The following ARMC8 variants were observed in gnomAD, a reference collection of about 807,000 sequenced individuals.
The protein encoded by ARMC8 is armadillo repeat containing 8.
A neutral mutation model predicts 99.3 loss-of-function variants in ARMC8; 20 were observed. That is an observed-to-expected ratio of 0.20 (90% CI 0.14 to 0.29). The LOEUF is 0.29. Ranked by LOEUF, ARMC8 falls within the 10% of genes least tolerant of loss-of-function variation. The pLI, the probability that ARMC8 is intolerant of heterozygous loss-of-function variation, is 1.00. For synonymous variants in ARMC8, 263 were observed against 278.3 expected (o/e 0.95, Z 0.55); for missense variants, 569 against 809.5 (o/e 0.70, Z 3.60).
At chr3:138,239,284 A>T in intron 9 of ARMC8, 184 bp from the exon 10 acceptor site, 1 of 516,652 alleles carries the variant, frequency 1.9e-6, no homozygotes, top group Non-Finnish European at 3.4e-6. Flanking sequence ...TGTATTTGTC[A>T]GTTAGTTTTC....
chr3:138,255,165 A>T (rs958169787), intron 12 of ARMC8, among the ~76,000 whole-genome samples: 2 of 143,468 alleles, frequency 1.4e-5, no homozygotes, highest in Non-Finnish European at 3.1e-5. Flanking sequence ...CTCCCACCCC[A>T]TGCCTCCCAA....
intron 12 of ARMC8, chr3:138,261,890 G>A (rs1282744437): frequency 6.6e-6 from 1 of 152,232 alleles, no homozygotes; most frequent in Non-Finnish European, 1.5e-5. Flanking sequence ...AGGTCCCTAC[G>A]AAGATGAGGT....
chr3:138,246,458 G>T, intron 12 of ARMC8: 1 of 985,342 alleles, frequency 1.0e-6, no homozygotes, highest in Non-Finnish European at 1.2e-6. Flanking sequence ...GTACGTTGGT[G>T]TATTGCAAGG....
intron 3 of ARMC8, 124 bp from the exon 4 acceptor site, chr3:138,223,265 C>T (rs1005032602): frequency 1.3e-5 from 10 of 774,410 alleles, no homozygotes; most frequent in Non-Finnish European, 2.0e-5. Flanking sequence ...AACAAATGAC[C>T]ATTGGATTCA....
chr3:138,225,567 T>A lies in ARMC8; in HGVS notation c.435+1834T>A, dbSNP rs1232318325. Among the ~76,000 whole-genome samples, 2 of 152,130 alleles carry A rather than the reference T, an allele frequency of 1.3e-5. 1 individual carries two copies. The highest frequency in any genetic ancestry group is 4.8e-5 in the African/African-American group (2 of 41,434). On this transcript the variant is annotated intron_variant, in intron 5 of 21. Coordinates refer to ENST00000469044, the MANE Select transcript of ARMC8 (RefSeq NM_001363941.2). ...TCCATTGCCTCACTATACATGTCAG[T>A]TTGTGTATGTGTGTGTATATATGTG...
At chr3:138,237,422 T>C (rs772804188) in intron 8 of ARMC8, 38 bp downstream of exon 8, 36 of 1,611,332 alleles carry the variant, frequency 2.2e-5, no homozygotes, top group East Asian at 6.7e-5. Context: ...CATGATTTAA[T>C]TGATGAACTT....
Position 138,296,485 on chromosome 3 carries a change from T to A in ARMC8, c.*593T>A, listed in dbSNP as rs1386559278. ...GTTGAATTTTGGTCAGATGAATATT[T>A]GTAAGTAAAAAATATATGCATTTCT... On this transcript the variant is annotated 3_prime_UTR_variant, in exon 22 of 22. Transcript: ENST00000469044. 1 of 152,092 alleles carries A rather than the reference T, an allele frequency of 6.6e-6. No homozygotes were observed. The highest frequency in any genetic ancestry group is 2.4e-5 in the African/African-American group (1 of 41,408). 9.4% of individuals were successfully genotyped at this position (152,092 alleles called of 1,614,324 possible).
chr3:138,266,721 G>T (rs1326444627), intron 14 of ARMC8, among the ~76,000 whole-genome samples: 1 of 152,158 alleles, frequency 6.6e-6, no homozygotes, highest in African/African-American at 2.4e-5. Context: ...TAGCCTGCTT[G>T]ATTCGTCAGT....
chr3:138,260,540 G>A (rs1362891986), intron 12 of ARMC8, among the ~76,000 whole-genome samples: 2 of 152,072 alleles, frequency 1.3e-5, no homozygotes, highest in East Asian at 3.8e-4. Flanking sequence ...TTGGGAAGAG[G>A]CTACCGTCTG....
At chr3:138,195,093 G>A (rs754057864) in intron 1 of ARMC8, among the ~76,000 whole-genome samples, 22 of 151,900 alleles carry the variant, frequency 1.4e-4, no homozygotes, top group Non-Finnish European at 4.4e-5. Context: ...TGACCAACAT[G>A]GTGAAACCCC....
intron 18 of ARMC8, among the ~76,000 whole-genome samples, chr3:138,284,199 G>C (rs1244049919): frequency 6.6e-6 from 1 of 152,194 alleles, no homozygotes; most frequent in Non-Finnish European, 1.5e-5. Context: ...GCTTCCCATA[G>C]CTCAGGAAGA....
At chr3:138,200,904 C>CT (rs34087212) in intron 1 of ARMC8, among the ~76,000 whole-genome samples, 3,053 of 63,474 alleles carry the variant, frequency 0.048, 837 homozygotes, top group Non-Finnish European at 0.061. Flanking sequence ...CTTCAGTGGG[C>CT]TTTTTTTTTT....
rs201726217 is a variant in ARMC8, at chr3:138,227,136, G to GT, written c.436-1779dup. Reference sequence around the variant, plus strand: ...AGCAGGATTTCTAGTTTGAAATTGTGTTTATCAGATGGGTGATTTTGGGCA... The same window carrying GT: ...AGCAGGATTTCTAGTTTGAAATTGTGTTTTATCAGATGGGTGATTTTGGGCA... On this transcript the variant is annotated intron_variant, in intron 5 of 21. Transcript: ENST00000469044. 4.0e-3 allele frequency among the ~76,000 whole-genome samples: 602 copies of GT among 152,304 alleles called. 8 individuals are homozygous for GT. The highest frequency in any genetic ancestry group is 0.014 in the African/African-American group (586 of 41,570).
At chr3:138,246,421 G>T (rs1298498045) in intron 12 of ARMC8, 21 of 985,410 alleles carry the variant, frequency 2.1e-5, no homozygotes, top group Admixed American at 6.2e-5. Flanking sequence ...TATGATTTAT[G>T]GATGTTGACG....
chr3:138,213,920 A>G (rs1403668487), intron 2 of ARMC8, among the ~76,000 whole-genome samples: 1 of 152,056 alleles, frequency 6.6e-6, no homozygotes, highest in Non-Finnish European at 1.5e-5. Flanking sequence ...AGTACAGTGG[A>G]GAGACCAAGG....
chr3:138,218,692 C>G (rs1434411852), intron 2 of ARMC8, among the ~76,000 whole-genome samples: 2 of 152,070 alleles, frequency 1.3e-5, no homozygotes, highest in Non-Finnish European at 2.9e-5. Context: ...TTTTGCCACT[C>G]CACGGATATT....
In ARMC8 at chr3:138,297,407, A is replaced by G. The variant is rs528114419; in HGVS notation, c.*1515A>G. On this transcript the variant is annotated 3_prime_UTR_variant, in exon 22 of 22. Transcript: ENST00000469044. ...CTAAAAGAAGGTCAAAGGCTTCGCA[A>G]CCAGGATGCAAGGTCTGCGGTCCAG... 1 of 152,288 alleles carries G rather than the reference A, an allele frequency of 6.6e-6. No individual in the cohort carries two copies. The highest frequency in any genetic ancestry group is 1.9e-4 in the East Asian group (1 of 5,182). The allele number at this position is 152,288 out of a possible 1,614,324, so 9.4% of individuals were successfully genotyped here. A position where few individuals can be genotyped will look rare whatever the true frequency, so the allele number is the denominator to read the frequency against.
chr3:138,263,360 CTG>C (rs989780171), intron 12 of ARMC8, among the ~76,000 whole-genome samples: 2 of 152,216 alleles, frequency 1.3e-5, no homozygotes, highest in African/African-American at 2.4e-5. Context: ...TGAGCATGGA[CTG>C]TGATTTCTTT....
chr3:138,234,006 T>C (rs1000585544), intron 6 of ARMC8, among the ~76,000 whole-genome samples: 3 of 152,246 alleles, frequency 2.0e-5, no homozygotes, highest in African/African-American at 7.2e-5. Context: ...AGCTCTTTAG[T>C]ACATTGATTA....
Sources: gnomAD v4.1 joint callset for allele counts (sites outside exome capture counted in the v4.1 genomes callset) on GRCh38, gnomAD v4.1.1 for gene constraint, MANE v1.5 for transcripts, NCBI Gene and HGNC (gene_info 2026-07-23, HGNC 2026-07-21) for gene names.